The following PGCKA1 variants were observed in gnomAD, a reference collection of about 807,000 sequenced individuals.
PGCKA1 encodes PDCD10 and GCKIII kinases-associated protein 1.
the PGCKA1 span, among the ~76,000 whole-genome samples, chr4:37,589,099 T>G: frequency 6.6e-6 from 1 of 152,204 alleles, no homozygotes; most frequent in Non-Finnish European, 1.5e-5. Flanking sequence ...TTTTGCTCAC[T>G]TCTCAAAGCA....
the PGCKA1 span, among the ~76,000 whole-genome samples, chr4:37,513,098 A>AAAAG: frequency 1.7e-3 from 187 of 112,918 alleles, 2 homozygotes; most frequent in African/African-American, 3.6e-3. Context: ...TCAAAAAAAA[A>AAAAG]AAAGAAAGAA....
chr4:37,494,590 G>A, the PGCKA1 span, among the ~76,000 whole-genome samples: 1 of 152,142 alleles, frequency 6.6e-6, no homozygotes, highest in South Asian at 2.1e-4. Flanking sequence ...GAACATATGT[G>A]TGCATATGTC....
the PGCKA1 span, among the ~76,000 whole-genome samples, chr4:37,536,314 C>A: frequency 6.6e-6 from 1 of 152,192 alleles, no homozygotes; most frequent in Non-Finnish European, 1.5e-5. Flanking sequence ...AGATGCAATT[C>A]TATTAGTTAC....
chr4:37,589,918 C>T, the PGCKA1 span, among the ~76,000 whole-genome samples: 34 of 152,242 alleles, frequency 2.2e-4, no homozygotes, highest in Admixed American at 2.2e-3. Flanking sequence ...AGGCGTGAGC[C>T]ACCAAACATT....
the PGCKA1 span, among the ~76,000 whole-genome samples, chr4:37,586,600 G>A: frequency 2.5e-4 from 38 of 152,262 alleles, no homozygotes; most frequent in African/African-American, 6.0e-4. Context: ...AAATTACTAC[G>A]AACTTAGAGG....
At chr4:37,508,557 A>G in the PGCKA1 span, among the ~76,000 whole-genome samples, 1 of 151,928 alleles carries the variant, frequency 6.6e-6, no homozygotes, top group Non-Finnish European at 1.5e-5. Flanking sequence ...TTATTATGAA[A>G]AATGTCAAAT....
chr4:37,480,692 T>A, the PGCKA1 span, among the ~76,000 whole-genome samples: 1 of 152,184 alleles, frequency 6.6e-6, no homozygotes, highest in African/African-American at 2.4e-5. Context: ...GGGGCAGACA[T>A]CTTTCCAGCC....
At chr4:37,499,637 A>G in the PGCKA1 span, among the ~76,000 whole-genome samples, 1 of 152,074 alleles carries the variant, frequency 6.6e-6, no homozygotes, top group Non-Finnish European at 1.5e-5. Context: ...CTGTGTGGTC[A>G]GTGGTAATAT....
chr4:37,535,473 A>G, the PGCKA1 span, among the ~76,000 whole-genome samples: 1 of 152,172 alleles, frequency 6.6e-6, no homozygotes, highest in South Asian at 2.1e-4. Context: ...GTGGGGGGCC[A>G]CAGTGATCCT....
chr4:37,558,366 C>T, the PGCKA1 span, among the ~76,000 whole-genome samples: 9 of 152,220 alleles, frequency 5.9e-5, no homozygotes, highest in Non-Finnish European at 8.8e-5. Flanking sequence ...TCTATCCCCC[C>T]GTCCCCAGGC....
the PGCKA1 span, among the ~76,000 whole-genome samples, chr4:37,491,999 C>G: frequency 2.0e-5 from 3 of 151,580 alleles, no homozygotes; most frequent in Admixed American, 6.6e-5. Flanking sequence ...CTTCATTAAG[C>G]AAATATGGAC....
the PGCKA1 span, among the ~76,000 whole-genome samples, chr4:37,484,867 G>A: frequency 6.6e-6 from 1 of 152,168 alleles, no homozygotes; most frequent in Non-Finnish European, 1.5e-5. Flanking sequence ...CCATAACTGT[G>A]AGGAATAAAT....
chr4:37,513,270 A>G, the PGCKA1 span, among the ~76,000 whole-genome samples: 77,979 of 151,562 alleles, frequency 0.51, 20,341 homozygotes, highest in African/African-American at 0.6. Context: ...TCTAGGTGCT[A>G]AAAGAATTTA....
At chr4:37,563,236 G>A in the PGCKA1 span, among the ~76,000 whole-genome samples, 1 of 152,152 alleles carries the variant, frequency 6.6e-6, no homozygotes, top group East Asian at 1.9e-4. Flanking sequence ...TCTAGACTGG[G>A]TGGCTTAAAC....
the PGCKA1 span, among the ~76,000 whole-genome samples, chr4:37,513,197 G>C: frequency 2.0e-5 from 3 of 151,966 alleles, no homozygotes; most frequent in African/African-American, 7.3e-5. Context: ...ATTATTAGCC[G>C]GTCAGTGCTA....
the PGCKA1 span, among the ~76,000 whole-genome samples, chr4:37,579,102 C>A: frequency 2.0e-5 from 3 of 152,180 alleles, no homozygotes; most frequent in African/African-American, 7.2e-5. Flanking sequence ...TTGATAACAA[C>A]TTAGCATTGC....
At chr4:37,584,307 G>A in the PGCKA1 span, 2 of 152,246 alleles carry the variant, frequency 1.3e-5, no homozygotes, top group African/African-American at 2.4e-5. Flanking sequence ...AACTCAGGGC[G>A]AGGTGAGAGA....
At chr4:37,543,694 C>G in the PGCKA1 span, among the ~76,000 whole-genome samples, 304 of 151,220 alleles carry the variant, frequency 2.0e-3, 2 homozygotes, top group African/African-American at 7.1e-3. Flanking sequence ...ATTAGCCGGG[C>G]GTGGTGGCGG....
chr4:37,593,186 A>G, the PGCKA1 span, among the ~76,000 whole-genome samples: 1 of 152,218 alleles, frequency 6.6e-6, no homozygotes, highest in African/African-American at 2.4e-5. Flanking sequence ...TTATTCCTTC[A>G]ATGATTTCCT....
Sources: allele counts gnomAD v4.1 joint callset (sites outside exome capture counted in the v4.1 genomes callset), GRCh38; gene constraint gnomAD v4.1.1; transcripts MANE v1.5; gene names NCBI Gene and HGNC (gene_info 2026-07-23, HGNC 2026-07-21).